The following DLGAP2 variants were observed in gnomAD, a reference collection of about 807,000 sequenced individuals.
DLGAP2 encodes the protein disks large-associated protein 2.
A neutral mutation model predicts 100.3 loss-of-function variants in DLGAP2; 26 were observed. The ratio of observed to expected loss-of-function variants is 0.26; its 90% CI spans 0.19 to 0.36. The LOEUF is 0.36. Among genes scored for constraint, DLGAP2 ranks in the 10% least tolerant of loss-of-function variants. DLGAP2 has a pLI of 1.00. For synonymous variants in DLGAP2, 886 were observed against 630.1 expected (o/e 1.41, Z -6.08); for missense variants, 1,858 against 1,453.2 (o/e 1.28, Z -4.53).
rs796566572 is a variant in DLGAP2, at chr8:1,701,603, T to TTTG, written c.*215_*217dup. 1.6e-4 allele frequency: 97 copies of TTTG among 617,264 alleles called. No individual in the cohort carries two copies. The highest frequency in any genetic ancestry group is 1.1e-3 in the East Asian group (37 of 33,700). The allele number at this position is 617,264 out of a possible 1,614,324, so 38.2% of individuals were successfully genotyped here. On this transcript the variant is annotated 3_prime_UTR_variant, in exon 15 of 15. Transcript: ENST00000637795. Reference sequence around the variant, plus strand: ...GCTCGCGGCGAGGACGACTTCTGCTTTTGTTGTTGTTGTTGTTGTTCACGG... The same window carrying TTTG: ...GCTCGCGGCGAGGACGACTTCTGCTTTTGTTGTTGTTGTTGTTGTTGTTCACGG...
intron 7 of DLGAP2, among the ~76,000 whole-genome samples, chr8:1,628,631 G>C (rs929653085): frequency 5.4e-5 from 8 of 146,950 alleles, no homozygotes; most frequent in Non-Finnish European, 7.5e-5. Context: ...AGCTTGAGCC[G>C]ACCTCACATT....
intron 1 of DLGAP2, among the ~76,000 whole-genome samples, chr8:749,041 C>T (rs555594177): frequency 1.8e-4 from 28 of 152,224 alleles, no homozygotes; most frequent in African/African-American, 6.7e-4. Flanking sequence ...TGCTTGTTAC[C>T]CAGGCTGGAA....
intron 3 of DLGAP2, among the ~76,000 whole-genome samples, chr8:1,270,902 T>C (rs7823900): frequency 0.25 from 38,448 of 151,994 alleles, 5,012 homozygotes; most frequent in Non-Finnish European, 0.29. Flanking sequence ...CTTCGTAAAT[T>C]TGGTTTCCAC....
Position 1,281,335 on chromosome 8 carries a change from G to A in DLGAP2, c.106+22452G>A, listed in dbSNP as rs372655831. ...GGTGCCTCCGCCCCTCGCTCCCGGC[G>A]AAGGCAGCCTCTTGGTGGCTTTCCC... On this transcript the variant is annotated intron_variant, in intron 3 of 14. Transcript: ENST00000637795. 3.1e-4 allele frequency among the ~76,000 whole-genome samples: 47 copies of A among 152,290 alleles called. No homozygotes were observed. The East Asian group carries it at 4.6e-3, about 15-fold the overall frequency.
At chr8:796,960 C>G (rs903300512) in intron 1 of DLGAP2, among the ~76,000 whole-genome samples, 1 of 152,224 alleles carries the variant, frequency 6.6e-6, no homozygotes, top group African/African-American at 2.4e-5. Context: ...GATCAAACGA[C>G]AAGCCTTCCC....
At chr8:1,636,886 G>A (rs1281522224) in intron 8 of DLGAP2, among the ~76,000 whole-genome samples, 1 of 152,228 alleles carries the variant, frequency 6.6e-6, no homozygotes, top group Non-Finnish European at 1.5e-5. Flanking sequence ...ATCATAAAAC[G>A]TTTTGGCCAA....
chr8:1,159,360 G>A (rs1403636363), intron 2 of DLGAP2, among the ~76,000 whole-genome samples: 1 of 152,160 alleles, frequency 6.6e-6, no homozygotes, highest in Non-Finnish European at 1.5e-5. Context: ...TTGATTTTCA[G>A]GAAATCGTTT....
intron 3 of DLGAP2, among the ~76,000 whole-genome samples, chr8:1,442,357 G>A (rs570810581): frequency 1.5e-4 from 22 of 150,332 alleles, no homozygotes; most frequent in Non-Finnish European, 2.2e-4. Context: ...GCATAGACCC[G>A]CCAAGCTGCT....
At chr8:1,295,772 C>T (rs1174274561) in intron 3 of DLGAP2, among the ~76,000 whole-genome samples, 2 of 152,216 alleles carry the variant, frequency 1.3e-5, no homozygotes, top group African/African-American at 2.4e-5. Context: ...GGGTGTGTCC[C>T]AGCCATCGTC....
intron 4 of DLGAP2, among the ~76,000 whole-genome samples, chr8:1,532,773 T>A (rs1801026959): frequency 6.6e-6 from 1 of 152,238 alleles, no homozygotes; most frequent in Non-Finnish European, 1.5e-5. Context: ...TGCTTTCTAC[T>A]GACGTCAGTT....
At chr8:1,375,477 G>T (rs55731056) in intron 3 of DLGAP2, among the ~76,000 whole-genome samples, 6 of 3,606 alleles carry the variant, frequency 1.7e-3, no homozygotes, top group Admixed American at 4.0e-3. Context: ...TCAGAACTGA[G>T]CCCCCACCTC....
chr8:1,007,740 C>T lies in DLGAP2; in HGVS notation c.73+99774C>T, dbSNP rs138796650. ...TGATGGAAACCTTCATATAAGGAAG[C>T]AGCTGATTTGGGTGTATAGTGAACT... On this transcript the variant is annotated intron_variant, in intron 2 of 14. Transcript: ENST00000637795. 2.2e-3 allele frequency among the ~76,000 whole-genome samples: 342 copies of T among 152,204 alleles called. 1 individual carries two copies. The highest frequency in any genetic ancestry group is 7.6e-3 in the African/African-American group (316 of 41,518).
chr8:778,515 T>C (rs1056456343), intron 1 of DLGAP2, among the ~76,000 whole-genome samples: 3 of 152,228 alleles, frequency 2.0e-5, no homozygotes, highest in Non-Finnish European at 4.4e-5. Flanking sequence ...GATATACAGA[T>C]GGGTTTTCAG....
intron 10 of DLGAP2, among the ~76,000 whole-genome samples, chr8:1,676,297 C>G (rs987455460): frequency 6.6e-6 from 1 of 152,134 alleles, no homozygotes; most frequent in Non-Finnish European, 1.5e-5. Context: ...ATTTAGAAGA[C>G]CAAACTGCAG....
intron 2 of DLGAP2, among the ~76,000 whole-genome samples, chr8:988,249 C>G (rs1035013480): frequency 5.3e-5 from 8 of 152,160 alleles, no homozygotes; most frequent in African/African-American, 1.9e-4. Context: ...CCTTCAGATG[C>G]AAAACAGAAT....
chr8:1,556,519 T>G (rs1210432678), intron 5 of DLGAP2, among the ~76,000 whole-genome samples: 3 of 152,204 alleles, frequency 2.0e-5, no homozygotes, highest in Non-Finnish European at 4.4e-5. Flanking sequence ...CTGTTCCCGC[T>G]GAGTCTGTGT....
At chr8:1,647,414 G>A (rs1235987556) in intron 8 of DLGAP2, among the ~76,000 whole-genome samples, 1 of 146,050 alleles carries the variant, frequency 6.8e-6, no homozygotes, top group African/African-American at 2.5e-5. Context: ...GAGTGAACCC[G>A]GGAGGCAGAG....
intron 3 of DLGAP2, among the ~76,000 whole-genome samples, chr8:1,452,240 G>A (rs1005222139): frequency 5.9e-5 from 9 of 152,120 alleles, no homozygotes; most frequent in South Asian, 2.1e-4. Flanking sequence ...CTGTGGCTGC[G>A]TGTTCTGTGG....
chr8:1,445,163 G>C (rs941947054), intron 3 of DLGAP2, among the ~76,000 whole-genome samples: 2 of 148,148 alleles, frequency 1.3e-5, no homozygotes, highest in African/African-American at 5.0e-5. Context: ...ATGTATACAT[G>C]TGCCATGCTG....
Sources: gnomAD v4.1 joint callset for allele counts (sites outside exome capture counted in the v4.1 genomes callset) on GRCh38, gnomAD v4.1.1 for gene constraint, MANE v1.5 for transcripts, NCBI Gene and HGNC (gene_info 2026-07-23, HGNC 2026-07-21) for gene names.